Variants in ATP6V0A4 observed in about 807,000 individuals in gnomAD.
ATP6V0A4 encodes ATPase H+ transporting V0 subunit a4.
A neutral mutation model predicts 107.3 loss-of-function variants in ATP6V0A4; 86 were observed. The ratio of observed to expected loss-of-function variants is 0.80; its 90% CI spans 0.67 to 0.96. The LOEUF (loss-of-function observed/expected upper bound fraction) is 0.96. Ranked by LOEUF, ATP6V0A4 falls within the 40% of genes least tolerant of loss-of-function variation. The pLI is 0.00. For synonymous variants in ATP6V0A4, 353 were observed against 381.4 expected, an observed-to-expected ratio of 0.93 and a Z score of 0.87; for missense variants, 908 against 1,045.6, an observed-to-expected ratio of 0.87 and a Z score of 1.81.
rs1199075881 is a variant in ATP6V0A4, at chr7:138,756,520, GTTC to G, written c.657_659del (p.Lys219del). The G allele has an allele frequency of 6.3e-7, 1 of 1,588,510 alleles. No individual in the cohort carries two copies. Among genetic ancestry groups the G allele is most frequent in the East Asian group, 2.3e-5 (1 of 43,646 alleles). On this transcript the variant is annotated inframe_deletion, in exon 9 of 22. Transcript: ENST00000310018. ...CTCCTTGGTAAAATATGATGAATAT[GTTC>G]TTCTGAATTTCTTCTTTCTGGAAAA...
In ATP6V0A4 at chr7:138,771,111, C is replaced by G; in HGVS notation, c.117+20G>C. ...TCCCACCCCTGCCTTCCTCTTATCTCCAAAGAACTCAGTACCTACATCTTT... is the reference window on the plus strand; with the variant it reads ...TCCCACCCCTGCCTTCCTCTTATCTGCAAAGAACTCAGTACCTACATCTTT... On this transcript the variant is annotated intron_variant, in intron 3 of 21. Transcript: ENST00000310018. 3 of 1,610,552 alleles carry G rather than the reference C, an allele frequency of 1.9e-6. No individual in the cohort carries two copies. Among genetic ancestry groups the G allele is most frequent in the Non-Finnish European group, 8.5e-7 (1 of 1,177,072 alleles).
At chr7:138,734,359 C>T in intron 15 of ATP6V0A4, 105 bp from the exon 16 acceptor site, 1 of 1,550,238 alleles carries the variant, frequency 6.5e-7, no homozygotes, top group Non-Finnish European at 8.8e-7. Context: ...GCTCTGGGAA[C>T]TGCACTTTCA....
chr7:138,732,955 G>A lies in ATP6V0A4; in HGVS notation c.1830C>T (p.Pro610=). ...CFDVHVSQHA[P]SILIHFINMF... is the part of the protein sequence containing the mutation. Reference sequence around the variant, plus strand: ...TGTTGATGAAGTGGATGAGGATGCTGGGGGCGTGCTGAGATACATGGACGT... The same window carrying A: ...TGTTGATGAAGTGGATGAGGATGCTAGGGGCGTGCTGAGATACATGGACGT... Residue 610 remains proline (P), a synonymous_variant, in exon 17 of 22, where the codon CCC becomes CCT. Coordinates refer to ENST00000310018, the MANE Select transcript of ATP6V0A4 (RefSeq NM_020632.3). 1 of 1,613,538 alleles carries A rather than the reference G, an allele frequency of 6.2e-7. No homozygotes were observed. Among genetic ancestry groups the A allele is most frequent in the Non-Finnish European group, 8.5e-7 (1 of 1,179,562 alleles).
At position 138,754,686 on chromosome 7, in the gene ATP6V0A4, G is replaced by A. The variant is rs978004841; in HGVS notation, c.816+1003C>T. 4.0e-5 allele frequency among the ~76,000 whole-genome samples: 6 copies of A among 151,824 alleles called. No homozygotes were observed. In the South Asian group the frequency reaches 6.2e-4, roughly 16 times the overall value. On this transcript the variant is annotated intron_variant, in intron 10 of 21. Coordinates refer to ENST00000310018, the MANE Select transcript of ATP6V0A4 (RefSeq NM_020632.3). ...TGCCCAGGCTGGAGTGCAGTGGCGC[G>A]ATCTCGGCTCCCTGAAACCTTTGCC...
intron 17 of ATP6V0A4, among the ~76,000 whole-genome samples, chr7:138,730,883 C>A (rs1235239978): frequency 6.6e-6 from 1 of 151,808 alleles, no homozygotes; most frequent in African/African-American, 2.4e-5. Flanking sequence ...TATCTACACT[C>A]ACTCCTTATG....
intron 14 of ATP6V0A4, among the ~76,000 whole-genome samples, chr7:138,740,905 G>A (rs1168935911): frequency 6.6e-6 from 1 of 151,760 alleles, no homozygotes; most frequent in Non-Finnish European, 1.5e-5. Context: ...CACTTTGGGA[G>A]GCTGAGGTGG....
intron 1 of ATP6V0A4, among the ~76,000 whole-genome samples, chr7:138,786,632 A>AT (rs1379182322): frequency 6.6e-6 from 1 of 151,512 alleles, no homozygotes; most frequent in East Asian, 1.9e-4. Context: ...TCATGGATGG[A>AT]TTTTTTTACC....
At chr7:138,752,472 C>A (rs554415115) in intron 11 of ATP6V0A4, among the ~76,000 whole-genome samples, 153 bp downstream of exon 11, 1 of 151,994 alleles carries the variant, frequency 6.6e-6, no homozygotes, top group Non-Finnish European at 1.5e-5. Context: ...TTTATGTCCT[C>A]GAGTGGGGTT....
chr7:138,739,974 G>A (rs1805536949), intron 14 of ATP6V0A4, among the ~76,000 whole-genome samples: 1 of 151,876 alleles, frequency 6.6e-6, no homozygotes, highest in Admixed American at 6.6e-5. Flanking sequence ...CATGCCTTTA[G>A]TTCCAGCTAC....
At chr7:138,772,079 A>G (rs765605907) in intron 2 of ATP6V0A4, among the ~76,000 whole-genome samples, 3 of 152,218 alleles carry the variant, frequency 2.0e-5, no homozygotes, top group Non-Finnish European at 4.4e-5. Context: ...CTAGTCAGGA[A>G]AAATAGTTTT....
Position 138,749,149 on chromosome 7 carries a change from A to G in ATP6V0A4, c.1180+18T>C, listed in dbSNP as rs1292038534. The G allele has an allele frequency of 6.2e-7, 1 of 1,613,782 alleles. No homozygotes were observed. The stretch of plus-strand genomic sequence containing the variant: ...TCACTTTCAAGCTACCCAGTCGTGC[A>G]GTTCATCAGATCTTTACCTGGGTTT... On this transcript the variant is annotated intron_variant, in intron 12 of 21. Transcript: ENST00000310018.
chr7:138,785,271 C>G (rs1379969381), intron 2 of ATP6V0A4, among the ~76,000 whole-genome samples: 1 of 134,974 alleles, frequency 7.4e-6, no homozygotes, highest in Non-Finnish European at 1.5e-5. Context: ...TTCTCACTTT[C>G]TTTTTTCTTT....
intron 13 of ATP6V0A4, 31 bp downstream of exon 13, chr7:138,747,394 A>G (rs1806002933): frequency 1.2e-6 from 2 of 1,607,940 alleles, no homozygotes; most frequent in Admixed American, 1.7e-5. Flanking sequence ...TCTGAAAATG[A>G]ATCAGGGCAA....
Position 138,713,434 on chromosome 7 carries a change from G to A in ATP6V0A4, c.2257+2330C>T, listed in dbSNP as rs188075671. On this transcript the variant is annotated intron_variant, in intron 20 of 21. Transcript: ENST00000310018. ...CACAGCTGAGCTGTGAAGATCACAC[G>A]AATGCTGAGTACTGGAGTTTCGTTT... Among the ~76,000 whole-genome samples the A allele has an allele frequency of 9.5e-4, 145 of 152,234 alleles. 2 individuals are homozygous for A. The highest frequency in any genetic ancestry group is 3.3e-3 in the African/African-American group (136 of 41,542).
intron 1 of ATP6V0A4, 91 bp downstream of exon 1, chr7:138,797,943 C>T (rs1190256408): frequency 1.3e-6 from 2 of 1,529,476 alleles, no homozygotes; most frequent in South Asian, 2.4e-5. Context: ...GTTTCCTTTG[C>T]TCCACCCCAT....
chr7:138,749,191 C>A lies in ATP6V0A4; in HGVS notation c.1156G>T (p.Gly386Cys). The change falls in exon 12 of 22, where the codon GGC becomes TGC. Residue 386 changes from glycine to cysteine, a missense_variant. Gly to Cys is a radical substitution (Grantham distance 159). Transcript: ENST00000310018. ...FQNIVDAYGVGSYREINPAPY... is the reference protein window; with the variant it reads ...FQNIVDAYGVCSYREINPAPY... ...CCTGGGTTTATCTCCCGGTAGCTGCCGACACCATAGGCATCAACAATATTC... is the reference window on the plus strand; with the variant it reads ...CCTGGGTTTATCTCCCGGTAGCTGCAGACACCATAGGCATCAACAATATTC... The A allele has an allele frequency of 6.2e-7, 1 of 1,614,074 alleles. No homozygotes were observed. The highest frequency in any genetic ancestry group is 8.5e-7 in the Non-Finnish European group (1 of 1,180,012).
chr7:138,784,241 T>TATATACATATATATATAC (rs1245059618), intron 2 of ATP6V0A4, among the ~76,000 whole-genome samples: 4 of 39,506 alleles, frequency 1.0e-4, no homozygotes, highest in African/African-American at 3.0e-4. Context: ...TATACGTATA[T>TATATACATATATATATAC]ATATATATAT....
Position 138,798,105 on chromosome 7 carries a change from A to T in ATP6V0A4, c.-192T>A, listed in dbSNP as rs974678890. ...CCGGGCACTCAGCACAGCCTCCAGC[A>T]TGCAGCGCCTCCCCGCTGCCACCCG... is the stretch of plus-strand genomic sequence containing the variant. On this transcript the variant is annotated 5_prime_UTR_variant, in exon 1 of 22. An upstream start codon of the reference 5' UTR is lost. Transcript: ENST00000310018. 3 of 1,596,566 alleles carry T rather than the reference A, an allele frequency of 1.9e-6. No homozygotes were observed. The highest frequency in any genetic ancestry group is 2.7e-5 in the African/African-American group (2 of 74,612).
rs916267060 is a variant in ATP6V0A4, at chr7:138,751,141, C to T, written c.1029+1484G>A. On this transcript the variant is annotated intron_variant, in intron 11 of 21. Transcript: ENST00000310018. ...TCGGCCAAACCAGCTGCATGCCACC[C>T]ACTCCTCAACCTAATGGCTTCACTC... 1.3e-5 allele frequency among the ~76,000 whole-genome samples: 2 copies of T among 152,122 alleles called. 1 individual carries two copies. The highest frequency in any genetic ancestry group is 1.3e-4 in the Admixed American group (2 of 15,272).
Sources: allele counts gnomAD v4.1 joint callset (sites outside exome capture counted in the v4.1 genomes callset), GRCh38; gene constraint gnomAD v4.1.1; transcripts MANE v1.5; gene names NCBI Gene and HGNC (gene_info 2026-07-23, HGNC 2026-07-21).